DOCK10: variants seen among roughly 807,000 people sequenced by gnomAD.
The protein encoded by DOCK10 is dedicator of cytokinesis protein 10.
A neutral mutation model predicts 280.1 loss-of-function variants in DOCK10; 145 were observed. The ratio of observed to expected loss-of-function variants is 0.52; its 90% CI spans 0.45 to 0.59. The LOEUF (loss-of-function observed/expected upper bound fraction) is 0.59, where lower values mean the gene tolerates loss of function less well. DOCK10 is among the 20% of genes least tolerant of loss of function. The pLI is 0.00. For synonymous variants in DOCK10, 915 were observed against 942.2 expected, an observed-to-expected ratio of 0.97 and a Z score of 0.53; for missense variants, 2,368 against 2,651.7, an observed-to-expected ratio of 0.89 and a Z score of 2.35.
At chr2:225,039,623 C>T (rs1266430921) in intron 1 of DOCK10, among the ~76,000 whole-genome samples, 1 of 152,142 alleles carries the variant, frequency 6.6e-6, no homozygotes, top group African/African-American at 2.4e-5. Context: ...AGTCATTACC[C>T]TCACTCAGCA....
chr2:224,876,898 G>A (rs1275379763), intron 7 of DOCK10, among the ~76,000 whole-genome samples: 1 of 152,000 alleles, frequency 6.6e-6, no homozygotes, highest in African/African-American at 2.4e-5. Context: ...GGCTTCAAAC[G>A]ACATCCATGT....
intron 1 of DOCK10, among the ~76,000 whole-genome samples, chr2:225,017,422 C>G (rs56397043): frequency 5.4e-5 from 6 of 111,048 alleles, no homozygotes; most frequent in East Asian, 6.0e-4. Flanking sequence ...AAGAGACAGA[C>G]AGAGATTGAG....
Position 224,849,511 on chromosome 2 carries a change from T to G in DOCK10, c.2231A>C (p.Asp744Ala). 1 of 1,609,772 alleles carries G rather than the reference T, an allele frequency of 6.2e-7. No homozygotes were observed. Among genetic ancestry groups the G allele is most frequent in the Non-Finnish European group, 8.5e-7 (1 of 1,177,812 alleles). ...LHHSQNPDFS[D>A]EVKIELPTQL... is the part of the protein sequence containing the mutation. The stretch of plus-strand genomic sequence containing the variant: ...CAGTGGAGGGCTAGCTCTTACCTCA[T>G]CTGAGAAATCCGGATTCTGAGAGTG... The change falls in exon 19 of 56, where the codon GAT (aspartate) becomes GCT (alanine). Residue 744 changes from aspartate (D) to alanine (A), a missense_variant. Transcript: ENST00000258390.
intron 16 of DOCK10, 67 bp downstream of exon 16, chr2:224,854,890 ACCAACC>A: frequency 8.1e-7 from 1 of 1,232,090 alleles, no homozygotes; most frequent in Admixed American, 2.2e-5. Flanking sequence ...CAACCAACCA[ACCAACC>A]AAAACAAACC....
rs111928659 is a variant in DOCK10 at position 224,786,041 on chromosome 2, C to T, written c.5655+981G>A. 0.019 allele frequency among the ~76,000 whole-genome samples: 2,839 copies of T among 152,116 alleles called. 43 individuals carry two copies. Among genetic ancestry groups the T allele is most frequent in the Middle Eastern group, 0.027 (8 of 294 alleles). ...GAAACCCTGTCTCTACTAAAAAATACAAAAATTAGCTGGGCATGGTGGCAC... is the reference window on the plus strand; with the variant it reads ...GAAACCCTGTCTCTACTAAAAAATATAAAAATTAGCTGGGCATGGTGGCAC... On this transcript the variant is annotated intron_variant, in intron 50 of 55. Transcript: ENST00000258390. This position sits in a 1 kb window ranked among gnomAD's most constrained non-coding sequence, Gnocchi z 4.7.
In DOCK10 at chr2:224,902,820, G is replaced by A. The variant is rs1246993561; in HGVS notation, c.334-6443C>T. Among the ~76,000 whole-genome samples, 6 of 152,002 alleles carry A rather than the reference G, an allele frequency of 3.9e-5. No individual in the cohort carries two copies. The East Asian group carries it at 7.7e-4, about 19-fold the overall frequency. On this transcript the variant is annotated intron_variant, in intron 3 of 55. Transcript: ENST00000258390. ...TTAATATTTAAAAACTTGGCTGGGC[G>A]CGGTGGCTCACGCTTGTAATCCCAG... is the stretch of plus-strand genomic sequence containing the variant.
intron 1 of DOCK10, among the ~76,000 whole-genome samples, chr2:225,006,185 C>T (rs1285245550): frequency 2.6e-5 from 4 of 152,192 alleles, no homozygotes; most frequent in African/African-American, 9.6e-5. Flanking sequence ...TGGACTGTTT[C>T]CATACCTTCC....
chr2:224,826,006 T>G (rs1254768037), intron 27 of DOCK10, among the ~76,000 whole-genome samples: 1 of 152,220 alleles, frequency 6.6e-6, no homozygotes, highest in East Asian at 1.9e-4. Flanking sequence ...ATGATCCTTT[T>G]GCTACTAGAG....
chr2:224,958,322 GAGCTCCGGGCACAAAAAGGGCACC>G lies in DOCK10; in HGVS notation c.124-26678_124-26655del, dbSNP rs988775692. On this transcript the variant is annotated intron_variant, in intron 1 of 55. Transcript: ENST00000258390. Reference sequence around the variant, plus strand: ...CTCATGCATTGAGCATTAGGAGGAGGAGCTCCGGGCACAAAAAGGGCACCAGCTCCGGGCACAAAAAGGGCACCT... The same window carrying G: ...CTCATGCATTGAGCATTAGGAGGAGGAGCTCCGGGCACAAAAAGGGCACCT... Among the ~76,000 whole-genome samples, 8 of 152,222 alleles carry G rather than the reference GAGCTCCGGGCACAAAAAGGGCACC, an allele frequency of 5.3e-5. No individual in the cohort carries two copies. The South Asian group carries it at 1.2e-3, about 24-fold the overall frequency.
intron 1 of DOCK10, among the ~76,000 whole-genome samples, chr2:225,037,020 G>GA (rs548216103): frequency 6.6e-6 from 1 of 151,812 alleles, no homozygotes; most frequent in Non-Finnish European, 1.5e-5. Context: ...GATAGAATGT[G>GA]AAAAAAGAAT....
Position 224,770,539 on chromosome 2 carries a change from G to T in DOCK10, c.6305+6C>A. On this transcript the variant is annotated splice_donor_region_variant and intron_variant, in intron 54 of 55. Coordinates refer to ENST00000258390, the MANE Select transcript of DOCK10 (RefSeq NM_014689.3). This position sits in a 1 kb window ranked among gnomAD's most constrained non-coding sequence, Gnocchi z 4.5. ...AGGAAGAACATCCCAACAGCGAGAA[G>T]CTTACCTGAAGATCTCCTTCAAAAG... is the stretch of plus-strand genomic sequence containing the variant. 6.2e-7 allele frequency: 1 copy of T among 1,611,568 alleles called. No individual in the cohort carries two copies. Among genetic ancestry groups the T allele is most frequent in the Non-Finnish European group, 8.5e-7 (1 of 1,177,654 alleles).
At chr2:224,882,321 T>C (rs6757927) in intron 7 of DOCK10, among the ~76,000 whole-genome samples, 37,842 of 152,136 alleles carry the variant, frequency 0.25, 6,736 homozygotes, top group African/African-American at 0.51. Context: ...ACCAAGTTCT[T>C]TTCCAGATTG....
intron 22 of DOCK10, among the ~76,000 whole-genome samples, chr2:224,842,580 T>C (rs1401546489): frequency 1.3e-5 from 2 of 152,176 alleles, no homozygotes; most frequent in South Asian, 2.1e-4. Context: ...CTCAGGCCAC[T>C]GTGTGTGTGC....
intron 1 of DOCK10, among the ~76,000 whole-genome samples, chr2:224,995,189 T>C (rs1307114228): frequency 6.6e-6 from 1 of 152,246 alleles, no homozygotes; most frequent in African/African-American, 2.4e-5. Context: ...CAATCTAAGT[T>C]ACTGGAGTTT....
chr2:224,773,201 T>C lies in DOCK10; in HGVS notation c.6160A>G (p.Met2054Val). ...NQLCTMEEVD[M>V]IRLQLKLQGS... ...TGCAGTTTGAGCTGCAGTCTGATCA[T>C]GTCCACTTCTTCCATTGTGCAAAGC... Residue 2054 changes from methionine (M) to valine (V), a missense_variant, in exon 53 of 56, where the codon ATG becomes GTG. Transcript: ENST00000258390. 2 of 1,613,954 alleles carry C rather than the reference T, an allele frequency of 1.2e-6. No homozygotes were observed. Among genetic ancestry groups the C allele is most frequent in the Non-Finnish European group, 1.7e-6 (2 of 1,179,852 alleles).
intron 40 of DOCK10, 22 bp downstream of exon 40, chr2:224,801,894 C>A: frequency 6.2e-7 from 1 of 1,610,654 alleles, no homozygotes; most frequent in South Asian, 1.1e-5. Context: ...CCATCTTGTT[C>A]CTATTATTTC....
intron 4 of DOCK10, among the ~76,000 whole-genome samples, chr2:224,890,686 C>G (rs1224934825): frequency 6.6e-6 from 1 of 152,146 alleles, no homozygotes; most frequent in Non-Finnish European, 1.5e-5. Flanking sequence ...AAGCTAGAAA[C>G]AGGAACACAC....
chr2:225,042,174 G>A lies in DOCK10; in HGVS notation c.123+78C>T. On this transcript the variant is annotated intron_variant, in intron 1 of 55. Coordinates refer to ENST00000258390, the MANE Select transcript of DOCK10 (RefSeq NM_014689.3). The surrounding 1 kb of genome is among the most constrained non-coding windows in gnomAD (Gnocchi z 5.1). ...AGCTGCGGGGACCTGGGCCCGCCGA[G>A]CTTTTGGGGAAGCTGGGCTCCGTTC... is the stretch of plus-strand genomic sequence containing the variant. 2.5e-6 allele frequency: 3 copies of A among 1,212,148 alleles called. No homozygotes were observed. Among genetic ancestry groups the A allele is most frequent in the Non-Finnish European group, 3.1e-6 (3 of 974,400 alleles). The allele number at this position is 1,212,148 out of a possible 1,614,324, so 75.1% of individuals were successfully genotyped here.
intron 29 of DOCK10, among the ~76,000 whole-genome samples, chr2:224,818,200 A>G (rs1014719747): frequency 1.1e-4 from 16 of 152,152 alleles, no homozygotes; most frequent in Non-Finnish European, 1.9e-4. Flanking sequence ...GACAGACCAT[A>G]TATACAATGG....
Sources: allele counts gnomAD v4.1 joint callset (sites outside exome capture counted in the v4.1 genomes callset), GRCh38; gene constraint gnomAD v4.1.1; non-coding constraint Gnocchi (gnomAD v3.1); transcripts MANE v1.5; gene names NCBI Gene and HGNC (gene_info 2026-07-23, HGNC 2026-07-21).